The following PPM1H variants were observed in gnomAD, a reference collection of about 807,000 sequenced individuals.
The protein encoded by PPM1H is protein phosphatase, Mg2+/Mn2+ dependent 1H, also known as protein phosphatase 1H.
A neutral mutation model predicts 54.9 loss-of-function variants in PPM1H; 27 were observed. The ratio of observed to expected loss-of-function variants is 0.49; its 90% CI spans 0.36 to 0.68. PPM1H has a LOEUF of 0.68. Ranked by LOEUF, PPM1H falls within the 30% of genes least tolerant of loss-of-function variation. PPM1H has a pLI of 0.00. For synonymous variants in PPM1H, 305 were observed against 270.8 expected, an observed-to-expected ratio of 1.13 and a Z score of -1.24; for missense variants, 596 against 667.8, an observed-to-expected ratio of 0.89 and a Z score of 1.19.
At chr12:62,789,088 T>C (rs2076689846) in intron 3 of PPM1H, among the ~76,000 whole-genome samples, 1 of 152,142 alleles carries the variant, frequency 6.6e-6, no homozygotes, top group Admixed American at 6.5e-5. Flanking sequence ...TGATCATAGC[T>C]CACTGCAGCC....
intron 3 of PPM1H, among the ~76,000 whole-genome samples, chr12:62,796,608 A>T (rs2076735793): frequency 6.6e-6 from 1 of 152,162 alleles, no homozygotes; most frequent in Non-Finnish European, 1.5e-5. Context: ...GGACCTCCAC[A>T]TGTTCAGCTA....
intron 1 of PPM1H, among the ~76,000 whole-genome samples, chr12:62,845,513 G>C (rs1363027243): frequency 6.6e-6 from 1 of 152,182 alleles, no homozygotes; most frequent in African/African-American, 2.4e-5. Flanking sequence ...GACCATATAT[G>C]AGGTATGGAA....
At chr12:62,705,862 G>C (rs999503111) in intron 6 of PPM1H, among the ~76,000 whole-genome samples, 4 of 152,192 alleles carry the variant, frequency 2.6e-5, no homozygotes, top group African/African-American at 9.7e-5. Context: ...ATCAGGATAT[G>C]AACAAAATGG....
At chr12:62,757,508 T>G (rs2076483473) in intron 4 of PPM1H, among the ~76,000 whole-genome samples, 1 of 152,226 alleles carries the variant, frequency 6.6e-6, no homozygotes, top group African/African-American at 2.4e-5. Flanking sequence ...CAGTTCACCC[T>G]TAGATCACAG....
chr12:62,719,101 C>G (rs1592561106), intron 6 of PPM1H, among the ~76,000 whole-genome samples: 1 of 152,172 alleles, frequency 6.6e-6, no homozygotes, highest in African/African-American at 2.4e-5. Context: ...AGAGTGGATA[C>G]AGGTGAGAAA....
chr12:62,708,306 G>A (rs1203634116), intron 6 of PPM1H, among the ~76,000 whole-genome samples: 1 of 152,202 alleles, frequency 6.6e-6, no homozygotes, highest in Non-Finnish European at 1.5e-5. Flanking sequence ...TCCAGCTCTT[G>A]TGTGTGGATT....
chr12:62,766,565 A>AG (rs1366268201), intron 4 of PPM1H, among the ~76,000 whole-genome samples: 7 of 145,908 alleles, frequency 4.8e-5, no homozygotes, highest in African/African-American at 1.8e-4. Flanking sequence ...AGCCACAGAA[A>AG]CAAAAAAAAA....
At chr12:62,716,464 T>G (rs181949011) in intron 6 of PPM1H, among the ~76,000 whole-genome samples, 1 of 152,196 alleles carries the variant, frequency 6.6e-6, no homozygotes, top group African/African-American at 2.4e-5. Context: ...TAGTGGAAGA[T>G]GAGGAAGAAA....
intron 4 of PPM1H, chr12:62,755,960 C>G: frequency 1.0e-6 from 1 of 976,796 alleles, no homozygotes. Context: ...AGTTGTGGGC[C>G]TGAACTGCTG....
In PPM1H at chr12:62,644,222, TGTACTAGGGTA is replaced by T. The variant is rs2075773411; in HGVS notation, c.*4256_*4266del. On this transcript the variant is annotated 3_prime_UTR_variant, in exon 10 of 10. Transcript: ENST00000228705. ...TTCCAGGCAGATTTCTCTCATTCAC[TGTACTAGGGTA>T]GTTTTGGAAACCCAGACCATGATCC... The T allele has an allele frequency of 6.6e-6, 1 of 152,168 alleles. No homozygotes were observed. Among genetic ancestry groups the T allele is most frequent in the Non-Finnish European group, 1.5e-5 (1 of 68,030 alleles). 9.4% of individuals were successfully genotyped at this position (152,168 alleles called of 1,614,324 possible). A position where few individuals can be genotyped will look rare whatever the true frequency, so the allele number is the denominator to read the frequency against.
chr12:62,684,016 C>T (rs1414444641), intron 8 of PPM1H, among the ~76,000 whole-genome samples: 4 of 152,140 alleles, frequency 2.6e-5, no homozygotes, highest in Admixed American at 1.3e-4. Flanking sequence ...GGCTCCAGTG[C>T]GTTTGAGTTA....
At chr12:62,740,250 C>G (rs2076373830) in intron 4 of PPM1H, among the ~76,000 whole-genome samples, 1 of 151,226 alleles carries the variant, frequency 6.6e-6, no homozygotes, top group Non-Finnish European at 1.5e-5. Flanking sequence ...TTCTTGCCTC[C>G]CTCTACACCC....
At chr12:62,766,325 C>A (rs541038454) in intron 4 of PPM1H, among the ~76,000 whole-genome samples, 1 of 151,970 alleles carries the variant, frequency 6.6e-6, no homozygotes, top group Non-Finnish European at 1.5e-5. Context: ...TTAACCTTTA[C>A]CCTTGATTGA....
At chr12:62,705,995 C>G (rs2076172201) in intron 6 of PPM1H, among the ~76,000 whole-genome samples, 1 of 152,212 alleles carries the variant, frequency 6.6e-6, no homozygotes, top group Non-Finnish European at 1.5e-5. Flanking sequence ...GAAGCTTCTC[C>G]CACTCTGCTC....
chr12:62,801,915 C>T lies in PPM1H; in HGVS notation c.657G>A (p.Pro219=), dbSNP rs755802399. The T allele has an allele frequency of 1.1e-4, 181 of 1,613,302 alleles. No homozygotes were observed. The highest frequency in any genetic ancestry group is 1.5e-4 in the Non-Finnish European group (177 of 1,179,660). ...AASLRGGVGA[P]GSPSTPPTRF... is the part of the protein sequence containing the mutation. ...GTGTGGGGGGCGTGCTGGGGGAGCC[C>T]GGGGCCCCCACCCCTCCGCGCAGGG... Residue 219 remains proline (P), a synonymous_variant, in exon 3 of 10, where the codon CCG becomes CCA. Coordinates refer to ENST00000228705, the MANE Select transcript of PPM1H (RefSeq NM_020700.2).
At chr12:62,737,139 TTAAAG>T (rs2076353759) in intron 5 of PPM1H, among the ~76,000 whole-genome samples, 1 of 151,050 alleles carries the variant, frequency 6.6e-6, no homozygotes, top group African/African-American at 2.4e-5. Flanking sequence ...CCTGTTTGAG[TTAAAG>T]TGAGTAGCGG....
chr12:62,831,502 A>G (rs1430797907), intron 2 of PPM1H, among the ~76,000 whole-genome samples: 2 of 152,044 alleles, frequency 1.3e-5, no homozygotes, highest in East Asian at 3.9e-4. Flanking sequence ...GTTTTGGGCC[A>G]ATTGAAATAG....
intron 1 of PPM1H, among the ~76,000 whole-genome samples, chr12:62,890,190 G>A (rs1444706738): frequency 6.6e-6 from 1 of 152,214 alleles, no homozygotes; most frequent in Non-Finnish European, 1.5e-5. Flanking sequence ...GGACATGCCG[G>A]TGGCTCATGC....
intron 4 of PPM1H, chr12:62,755,946 T>G: frequency 1.2e-6 from 1 of 862,906 alleles, no homozygotes; most frequent in Non-Finnish European, 1.9e-6. Flanking sequence ...ACTGCCAATG[T>G]GTCAGTTGTG....
Sources: gnomAD v4.1 joint callset for allele counts (sites outside exome capture counted in the v4.1 genomes callset) on GRCh38, gnomAD v4.1.1 for gene constraint, MANE v1.5 for transcripts, NCBI Gene and HGNC (gene_info 2026-07-23, HGNC 2026-07-21) for gene names.